The following RAPGEF5 variants were observed in gnomAD, a reference collection of about 807,000 sequenced individuals.
RAPGEF5 encodes Rap guanine nucleotide exchange factor 5.
RAPGEF5 carries 65 observed loss-of-function variants against 125.2 expected under a neutral mutation model. The ratio of observed to expected loss-of-function variants is 0.52; its 90% CI spans 0.43 to 0.64. The LOEUF (loss-of-function observed/expected upper bound fraction) is 0.64, where lower values mean the gene tolerates loss of function less well. Among genes scored for constraint, RAPGEF5 ranks in the 30% least tolerant of loss-of-function variants. RAPGEF5 has a pLI of 0.00. For missense variants in RAPGEF5, 958 were observed against 1,048.1 expected (o/e 0.91, Z 1.19); for synonymous variants, 391 against 385.9 (o/e 1.01, Z -0.16).
intron 5 of RAPGEF5, among the ~76,000 whole-genome samples, chr7:22,305,862 T>C (rs191557706): frequency 6.6e-5 from 10 of 152,344 alleles, no homozygotes; most frequent in African/African-American, 2.4e-4. Context: ...GTTCCATCCA[T>C]GTTGTTGCAA....
chr7:22,337,986 G>T (rs1042168492), intron 1 of RAPGEF5, among the ~76,000 whole-genome samples: 10 of 152,308 alleles, frequency 6.6e-5, no homozygotes, highest in Middle Eastern at 3.4e-3. Context: ...ACTTGGCTTT[G>T]TTCTTTTCAT....
At chr7:22,170,100 T>C (rs921266815) in intron 11 of RAPGEF5, among the ~76,000 whole-genome samples, 2 of 152,008 alleles carry the variant, frequency 1.3e-5, no homozygotes, top group South Asian at 4.1e-4. Flanking sequence ...TGTTTGTTTG[T>C]TTGTTTTTGA....
intron 20 of RAPGEF5, among the ~76,000 whole-genome samples, 174 bp downstream of exon 20, chr7:22,144,870 T>C (rs1783379613): frequency 6.6e-6 from 1 of 152,234 alleles, no homozygotes; most frequent in Non-Finnish European, 1.5e-5. Flanking sequence ...GTATAAATAC[T>C]TGAAATGCAA....
At chr7:22,156,753 GA>G (rs1783820970) in intron 16 of RAPGEF5, 56 bp downstream of exon 16, 3 of 1,608,860 alleles carry the variant, frequency 1.9e-6, no homozygotes, top group South Asian at 1.1e-5. Context: ...CAATGTAGGA[GA>G]AAAATGGTGG....
intron 5 of RAPGEF5, among the ~76,000 whole-genome samples, chr7:22,301,328 G>A (rs1465010994): frequency 6.6e-6 from 1 of 152,110 alleles, no homozygotes; most frequent in East Asian, 1.9e-4. Context: ...AAAAAATTAA[G>A]AGTAGGGCCA....
At position 22,149,896 on chromosome 7, in the gene RAPGEF5, G is replaced by A. The variant is rs114756037; in HGVS notation, c.1884+511C>T. Among the ~76,000 whole-genome samples the A allele has an allele frequency of 2.9e-3, 434 of 152,012 alleles. 4 individuals carry two copies. Among genetic ancestry groups the A allele is most frequent in the African/African-American group, 9.3e-3 (386 of 41,470 alleles). On this transcript the variant is annotated intron_variant, in intron 18 of 25. Coordinates refer to ENST00000665637, the MANE Select transcript of RAPGEF5 (RefSeq NM_012294.5). Reference sequence around the variant, plus strand: ...GCTTAGAAAGGGTTTCACTTAGGCAGGGTTTAGAATTCCTCAAGTTGGATT... The same window carrying A: ...GCTTAGAAAGGGTTTCACTTAGGCAAGGTTTAGAATTCCTCAAGTTGGATT...
At chr7:22,289,130 C>T (rs149846544) in intron 6 of RAPGEF5, among the ~76,000 whole-genome samples, 23 of 152,232 alleles carry the variant, frequency 1.5e-4, no homozygotes, top group South Asian at 4.1e-4. Flanking sequence ...CTTGAATTTA[C>T]GACTTTACTT....
chr7:22,308,004 G>T (rs539644825), intron 5 of RAPGEF5, among the ~76,000 whole-genome samples: 2 of 152,298 alleles, frequency 1.3e-5, no homozygotes, highest in African/African-American at 4.8e-5. Flanking sequence ...GATTTGGATA[G>T]CGAATAGGAT....
chr7:22,154,438 G>T lies in RAPGEF5; in HGVS notation c.1786+17C>A. On this transcript the variant is annotated intron_variant, in intron 17 of 25. Coordinates refer to ENST00000665637, the MANE Select transcript of RAPGEF5 (RefSeq NM_012294.5). The stretch of plus-strand genomic sequence containing the variant: ...GATCAGTGAAAGATTAATATTCAAG[G>T]GTAGAAAACAACTTACCCCCAGAGA... 6.2e-7 allele frequency: 1 copy of T among 1,612,282 alleles called. No individual in the cohort carries two copies. Among genetic ancestry groups the T allele is most frequent in the Non-Finnish European group, 8.5e-7 (1 of 1,179,198 alleles).
At chr7:22,146,083 T>TCCAA in intron 19 of RAPGEF5, among the ~76,000 whole-genome samples, 1 of 152,158 alleles carries the variant, frequency 6.6e-6, no homozygotes, top group Non-Finnish European at 1.5e-5. Flanking sequence ...ACAAGTCATT[T>TCCAA]AGTCTGAAGG....
chr7:22,213,552 T>C (rs1159555110), intron 9 of RAPGEF5, among the ~76,000 whole-genome samples: 1 of 152,196 alleles, frequency 6.6e-6, no homozygotes, highest in African/African-American at 2.4e-5. Context: ...TCTGTGGCCA[T>C]ATTATTCCCT....
rs556663036 is a variant in RAPGEF5 at position 22,252,045 on chromosome 7, G to A, written c.796+14919C>T. 7.2e-5 allele frequency among the ~76,000 whole-genome samples: 11 copies of A among 152,244 alleles called. No homozygotes were observed. The South Asian group carries it at 2.3e-3, about 32-fold the overall frequency. On this transcript the variant is annotated intron_variant, in intron 7 of 25. Coordinates refer to ENST00000665637, the MANE Select transcript of RAPGEF5 (RefSeq NM_012294.5). ...AAAACATGTTCCCAGGAGCTGCAAT[G>A]CTGGAAGCTGCTTCTTAGCTCTCAA...
chr7:22,161,580 AC>A (rs1208889626), intron 13 of RAPGEF5, among the ~76,000 whole-genome samples: 1 of 148,622 alleles, frequency 6.7e-6, no homozygotes, highest in African/African-American at 2.5e-5. Context: ...ACACACACAC[AC>A]AATTCCACAT....
chr7:22,174,598 A>G (rs1354807120), intron 11 of RAPGEF5, among the ~76,000 whole-genome samples: 17 of 152,240 alleles, frequency 1.1e-4, no homozygotes. Flanking sequence ...GTGTAGTAGT[A>G]ATAGAAGAGA....
chr7:22,331,451 G>C (rs560953139), intron 1 of RAPGEF5, among the ~76,000 whole-genome samples: 1 of 152,076 alleles, frequency 6.6e-6, no homozygotes, highest in African/African-American at 2.4e-5. Context: ...CCTTTAAAAA[G>C]TTACAGGAGG....
chr7:22,209,064 G>A (rs972749705), intron 9 of RAPGEF5, among the ~76,000 whole-genome samples: 1 of 152,142 alleles, frequency 6.6e-6, no homozygotes, highest in Non-Finnish European at 1.5e-5. Context: ...CTAAAGGAGA[G>A]GAACTTAGAT....
intron 17 of RAPGEF5, among the ~76,000 whole-genome samples, chr7:22,152,173 T>C (rs996086465): frequency 9.9e-5 from 15 of 152,188 alleles, no homozygotes; most frequent in African/African-American, 3.6e-4. Context: ...TAATGCAGAG[T>C]ATACAAATAA....
Position 22,163,321 on chromosome 7 carries a change from T to C in RAPGEF5, c.1284-780A>G, listed in dbSNP as rs115194677. 6.4e-3 allele frequency among the ~76,000 whole-genome samples: 972 copies of C among 152,318 alleles called. 17 individuals are homozygous for C. The highest frequency in any genetic ancestry group is 0.022 in the African/African-American group (933 of 41,566). ...GAGAACAGTTGACTAAGTTATTATA[T>C]ATGCATTTAACGGACTATTCAGCAG... On this transcript the variant is annotated intron_variant, in intron 12 of 25. Transcript: ENST00000665637.
chr7:22,202,628 G>A (rs1315468138), intron 9 of RAPGEF5, among the ~76,000 whole-genome samples: 4 of 152,094 alleles, frequency 2.6e-5, no homozygotes, highest in Non-Finnish European at 5.9e-5. Flanking sequence ...CCACCAAGCC[G>A]CAAGCCAGGG....
Sources: gnomAD v4.1 joint callset for allele counts (sites outside exome capture counted in the v4.1 genomes callset) on GRCh38, gnomAD v4.1.1 for gene constraint, MANE v1.5 for transcripts, NCBI Gene and HGNC (gene_info 2026-07-23, HGNC 2026-07-21) for gene names.